The following ZNF823 variants were observed in gnomAD, a reference collection of about 807,000 sequenced individuals.
ZNF823 encodes the protein ZFP 36 for a zinc finger protein.
Under a neutral mutation model 11.4 loss-of-function variants are expected in ZNF823, and 5 were observed. That is an observed-to-expected ratio of 0.44 (90% CI 0.23 to 0.92). ZNF823 has a LOEUF of 0.92. ZNF823 is among the 40% of genes least tolerant of loss of function. ZNF823 has a pLI of 0.24. For missense variants in ZNF823, 582 were observed against 738.5 expected, an observed-to-expected ratio of 0.79 and a Z score of 2.46; for synonymous variants, 234 against 250.5, an observed-to-expected ratio of 0.93 and a Z score of 0.62.
intron 1 of ZNF823, among the ~76,000 whole-genome samples, chr19:11,731,203 T>C (rs965962387): frequency 6.6e-6 from 1 of 151,638 alleles, no homozygotes; most frequent in African/African-American, 2.4e-5. Context: ...TCGCAGCTTC[T>C]CGGGAGGCTG....
At chr19:11,738,727 A>T in intron 1 of ZNF823, 90 bp downstream of exon 1, 14 of 1,471,772 alleles carry the variant, frequency 9.5e-6, no homozygotes, top group Non-Finnish European at 1.3e-5. Context: ...GGAGTCGCCC[A>T]GGGCGAGGCC....
intron 1 of ZNF823, among the ~76,000 whole-genome samples, chr19:11,725,681 T>C (rs1974777196): frequency 6.6e-6 from 1 of 152,194 alleles, no homozygotes; most frequent in Non-Finnish European, 1.5e-5. Context: ...CCACTCCCAG[T>C]CCTGAAACTG....
At chr19:11,736,983 C>T (rs995254083) in intron 1 of ZNF823, among the ~76,000 whole-genome samples, 2 of 152,188 alleles carry the variant, frequency 1.3e-5, no homozygotes, top group East Asian at 1.9e-4. Flanking sequence ...TCCCACCCCA[C>T]GACATCCAGC....
intron 1 of ZNF823, among the ~76,000 whole-genome samples, chr19:11,731,083 C>T (rs945631758): frequency 4.0e-5 from 6 of 150,920 alleles, no homozygotes; most frequent in Admixed American, 2.0e-4. Flanking sequence ...GAGGCTGAGG[C>T]GGGTGGATCA....
At chr19:11,728,990 T>A (rs1055928615) in intron 1 of ZNF823, among the ~76,000 whole-genome samples, 1 of 152,026 alleles carries the variant, frequency 6.6e-6, no homozygotes, top group Non-Finnish European at 1.5e-5. Context: ...CTGTCCAACA[T>A]GATGAAACCC....
intron 1 of ZNF823, among the ~76,000 whole-genome samples, chr19:11,727,755 A>C (rs1262716233): frequency 1.3e-5 from 2 of 152,194 alleles, no homozygotes; most frequent in South Asian, 2.1e-4. Context: ...GCCCGTCTTG[A>C]AGACAGCAGA....
intron 1 of ZNF823, among the ~76,000 whole-genome samples, chr19:11,732,907 T>A (rs1429741650): frequency 6.6e-6 from 1 of 152,222 alleles, no homozygotes; most frequent in Non-Finnish European, 1.5e-5. Context: ...GTGTTTGCTC[T>A]TTCAGGTCAC....
rs1974769616 is a variant in ZNF823, at chr19:11,725,247, G to C, written c.84C>G (p.Leu28=). 7 of 1,614,044 alleles carry C rather than the reference G, an allele frequency of 4.3e-6. No individual in the cohort carries two copies. Among genetic ancestry groups the C allele is most frequent in the Non-Finnish European group, 5.9e-6 (7 of 1,179,988 alleles). ...WALLGPSQKS[L]YRNVMQETIR... ...TGGTTTCCTGCATGACATTTCTGTA[G>C]AGACTCTTCTGTGATGGACCCAGCA... The change falls in exon 2 of 4, where the codon CTC becomes CTG. Residue 28 remains leucine, a synonymous_variant. Coordinates refer to ENST00000341191, the MANE Select transcript of ZNF823 (RefSeq NM_001080493.4).
Position 11,721,550 on chromosome 19 carries a change from C to A in ZNF823, c.*151G>T. The A allele has an allele frequency of 1.3e-6, 1 of 750,340 alleles. No individual in the cohort carries two copies. The highest frequency in any genetic ancestry group is 2.1e-6 in the Non-Finnish European group (1 of 475,932). The allele number at this position is 750,340 out of a possible 1,614,324, so 46.5% of individuals were successfully genotyped here. A position where few individuals can be genotyped will look rare whatever the true frequency, so the allele number is the denominator to read the frequency against. On this transcript the variant is annotated 3_prime_UTR_variant, in exon 4 of 4. Coordinates refer to ENST00000341191, the MANE Select transcript of ZNF823 (RefSeq NM_001080493.4). The stretch of plus-strand genomic sequence containing the variant: ...ATTTAGAGGGTGCTGGAACCAATCC[C>A]CTGCAATATATTGGGGGATAACTGT...
Position 11,725,317 on chromosome 19 carries a change from G to C in ZNF823, c.14C>G (p.Ala5Gly). The change falls in exon 2 of 4, where the codon GCC becomes GGC. Residue 5 changes from alanine to glycine, a missense_variant. This residue lies in a region of ZNF823 where 429 missense variants were observed against 553.7 expected (regional missense o/e 0.77). Coordinates refer to ENST00000341191, the MANE Select transcript of ZNF823 (RefSeq NM_001080493.4). MDSV[A>G]FEDVAVNFTQ... ...GAAGTTCACAGCCACATCTTCAAAGGCCACTGAGTCCTGAAACATCCCACA... is the reference window on the plus strand; with the variant it reads ...GAAGTTCACAGCCACATCTTCAAAGCCCACTGAGTCCTGAAACATCCCACA... 6.2e-7 allele frequency: 1 copy of C among 1,613,924 alleles called. No individual in the cohort carries two copies. The highest frequency in any genetic ancestry group is 8.5e-7 in the Non-Finnish European group (1 of 1,179,876).
chr19:11,721,895 T>G lies in ZNF823; in HGVS notation c.1639A>C (p.Arg547=). ...TAGGGTTTCTCTCCAGTGTGAATTC[T>G]TTCATGTCGTAGAAGGCAAGTGAGC... is the stretch of plus-strand genomic sequence containing the variant. ...SWLTCLLRHE[R]IHTGEKPYEC... The change falls in exon 4 of 4, where the codon AGA becomes CGA. Residue 547 remains arginine, a synonymous_variant. Transcript: ENST00000341191. 1 of 1,614,068 alleles carries G rather than the reference T, an allele frequency of 6.2e-7. No homozygotes were observed. The highest frequency in any genetic ancestry group is 1.1e-5 in the South Asian group (1 of 91,076).
At chr19:11,730,062 G>C (rs1358720121) in intron 1 of ZNF823, among the ~76,000 whole-genome samples, 1 of 151,946 alleles carries the variant, frequency 6.6e-6, no homozygotes, top group African/African-American at 2.4e-5. Flanking sequence ...CCAAGTAGCT[G>C]GGATTACAGG....
chr19:11,730,138 G>C (rs1452534310), intron 1 of ZNF823, among the ~76,000 whole-genome samples: 1 of 152,074 alleles, frequency 6.6e-6, no homozygotes, highest in Non-Finnish European at 1.5e-5. Context: ...ATGTTGGTCA[G>C]GGTGGTCTCA....
At chr19:11,728,517 A>T (rs1974836534) in intron 1 of ZNF823, among the ~76,000 whole-genome samples, 1 of 152,214 alleles carries the variant, frequency 6.6e-6, no homozygotes, top group Non-Finnish European at 1.5e-5. Flanking sequence ...GTTATATGGG[A>T]TGGGAGGATG....
intron 1 of ZNF823, among the ~76,000 whole-genome samples, chr19:11,736,107 C>CCA (rs1974988482): frequency 1.3e-5 from 2 of 151,448 alleles, no homozygotes; most frequent in Non-Finnish European, 2.9e-5. Flanking sequence ...ATCAATATAT[C>CCA]CACCACACTT....
At chr19:11,738,692 A>AG in intron 1 of ZNF823, 125 bp downstream of exon 1, 1 of 1,275,920 alleles carries the variant, frequency 7.8e-7, no homozygotes, top group South Asian at 1.6e-5. Flanking sequence ...GAGCTGCGCC[A>AG]GGGGCACTGG....
intron 1 of ZNF823, among the ~76,000 whole-genome samples, chr19:11,736,547 G>T (rs1974996004): frequency 6.6e-6 from 1 of 152,148 alleles, no homozygotes; most frequent in Non-Finnish European, 1.5e-5. Flanking sequence ...GTTTTAAAAA[G>T]AAATAAAATA....
At chr19:11,724,811 C>G (rs1236641388) in intron 2 of ZNF823, among the ~76,000 whole-genome samples, 1 of 151,856 alleles carries the variant, frequency 6.6e-6, no homozygotes, top group Non-Finnish European at 1.5e-5. Flanking sequence ...CTTCCCGCCT[C>G]GGCCTCCCAA....
rs1200477189 is a variant in ZNF823, at chr19:11,722,567, T to C, written c.967A>G (p.Met323Val). The change falls in exon 4 of 4, where the codon ATG (methionine) becomes GTG (valine). Residue 323 changes from methionine to valine, a missense_variant. Met to Val is a conservative substitution (Grantham distance 21). This residue lies in a region of ZNF823 where 429 missense variants were observed against 553.7 expected (regional missense o/e 0.77). Transcript: ENST00000341191. This position sits in a 1 kb window ranked among gnomAD's most constrained non-coding sequence, Gnocchi z 5.2. ...FYHHTSFRRHMIRHTGDGPHK... is the reference protein window; with the variant it reads ...FYHHTSFRRHVIRHTGDGPHK... ...GGTCCGTCTCCAGTGTGCCTTATCA[T>C]GTGTCTTCGAAAGCTTGTGTGATGA... 6.2e-6 allele frequency: 10 copies of C among 1,614,068 alleles called. No homozygotes were observed. The highest frequency in any genetic ancestry group is 1.7e-5 in the Admixed American group (1 of 59,998).
Sources: allele counts gnomAD v4.1 joint callset (sites outside exome capture counted in the v4.1 genomes callset), GRCh38; gene constraint gnomAD v4.1.1; regional missense constraint gnomAD v4.1.1; non-coding constraint Gnocchi (gnomAD v3.1); transcripts MANE v1.5; gene names NCBI Gene and HGNC (gene_info 2026-07-23, HGNC 2026-07-21).